Variants in MGAT4C observed in about 807,000 individuals in gnomAD.
MGAT4C encodes the protein MGAT4 family member C, also known as alpha-1,3-mannosyl-glycoprotein 4-beta-N-acetylglucosaminyltransferase C.
In MGAT4C, 19 loss-of-function variants were observed where a neutral mutation model predicts 40.1. The observed-to-expected ratio is 0.47, with a 90% CI of 0.33 to 0.70. MGAT4C has a LOEUF of 0.70. MGAT4C is among the 30% of genes least tolerant of loss of function. The pLI is 0.02. For synonymous variants in MGAT4C, 181 were observed against 187.1 expected (o/e 0.97, Z 0.27); for missense variants, 491 against 563.2 (o/e 0.87, Z 1.30).
chr12:86,791,693 G>A (rs752723897), intron 1 of MGAT4C, among the ~76,000 whole-genome samples: 2 of 152,060 alleles, frequency 1.3e-5, no homozygotes, highest in African/African-American at 2.4e-5. Flanking sequence ...GGACGGGTTT[G>A]TGACTGGAAA....
chr12:86,242,623 G>C (rs991187123), intron 1 of MGAT4C, among the ~76,000 whole-genome samples: 1 of 152,074 alleles, frequency 6.6e-6, no homozygotes, highest in East Asian at 1.9e-4. Flanking sequence ...TTGATTGTCC[G>C]GGGAAGTACT....
chr12:86,528,217 G>C (rs956821038), intron 2 of MGAT4C, among the ~76,000 whole-genome samples: 1 of 151,860 alleles, frequency 6.6e-6, no homozygotes, highest in Non-Finnish European at 1.5e-5. Flanking sequence ...ATAATCAAAA[G>C]TAAAGAAGAT....
chr12:86,092,234 C>A (rs1873013885), intron 1 of MGAT4C, among the ~76,000 whole-genome samples: 2 of 152,058 alleles, frequency 1.3e-5, no homozygotes, highest in South Asian at 2.1e-4. Flanking sequence ...AGTTGACATG[C>A]AGAAGCAATC....
chr12:86,296,179 T>C (rs1308867190), intron 4 of MGAT4C, among the ~76,000 whole-genome samples: 6 of 137,320 alleles, frequency 4.4e-5, no homozygotes, highest in Admixed American at 7.3e-5. Flanking sequence ...GACATAAAGG[T>C]TCTCCAAGGC....
intron 2 of MGAT4C, among the ~76,000 whole-genome samples, chr12:86,708,781 T>C (rs541816232): frequency 1.1e-4 from 17 of 152,332 alleles, no homozygotes; most frequent in African/African-American, 3.8e-4. Context: ...TCATGGGGCC[T>C]GAAACCTCTT....
At chr12:86,663,502 T>C (rs1189062128) in intron 2 of MGAT4C, among the ~76,000 whole-genome samples, 2 of 152,074 alleles carry the variant, frequency 1.3e-5, no homozygotes, top group South Asian at 2.1e-4. Context: ...TTTATCACAA[T>C]AGGATTTGCC....
At chr12:86,422,536 G>A (rs566040319) in intron 3 of MGAT4C, among the ~76,000 whole-genome samples, 1 of 152,210 alleles carries the variant, frequency 6.6e-6, no homozygotes, top group Non-Finnish European at 1.5e-5. Flanking sequence ...GTAAGAATGT[G>A]CTGTAGACTA....
chr12:86,602,798 A>G (rs918091490), intron 2 of MGAT4C, among the ~76,000 whole-genome samples: 1 of 152,088 alleles, frequency 6.6e-6, no homozygotes, highest in Non-Finnish European at 1.5e-5. Context: ...TAAAAACTTA[A>G]AAGTAGAATT....
chr12:86,606,923 G>T (rs1427013384), intron 2 of MGAT4C, among the ~76,000 whole-genome samples: 1 of 151,828 alleles, frequency 6.6e-6, no homozygotes, highest in Non-Finnish European at 1.5e-5. Context: ...GTATTTAGAT[G>T]GTTCAATAAT....
chr12:86,643,333 C>A (rs550014806), intron 2 of MGAT4C, among the ~76,000 whole-genome samples: 1 of 151,892 alleles, frequency 6.6e-6, no homozygotes, highest in Non-Finnish European at 1.5e-5. Context: ...GGGACACATT[C>A]AAATCATAGC....
At chr12:86,552,796 G>C (rs912485664) in intron 2 of MGAT4C, among the ~76,000 whole-genome samples, 1 of 152,104 alleles carries the variant, frequency 6.6e-6, no homozygotes, top group African/African-American at 2.4e-5. Context: ...AGTAACTCTT[G>C]TGAAGTAAAT....
intron 1 of MGAT4C, among the ~76,000 whole-genome samples, chr12:86,112,932 G>C (rs770115201): frequency 6.9e-4 from 105 of 151,788 alleles, no homozygotes; most frequent in Non-Finnish European, 1.1e-3. Context: ...TGAAATTCTA[G>C]TGAGGTAGTG....
At chr12:86,585,126 C>T (rs957203789) in intron 2 of MGAT4C, among the ~76,000 whole-genome samples, 17 of 151,266 alleles carry the variant, frequency 1.1e-4, no homozygotes, top group African/African-American at 3.9e-4. Flanking sequence ...GTAATTTGTA[C>T]TGTACCTATA....
intron 2 of MGAT4C, among the ~76,000 whole-genome samples, chr12:86,642,454 A>G (rs1963419546): frequency 6.6e-6 from 1 of 151,822 alleles, no homozygotes; most frequent in Non-Finnish European, 1.5e-5. Context: ...AGTATAACAT[A>G]ATAGAATACC....
At chr12:86,021,981 G>A (rs1889779252) in intron 2 of MGAT4C, among the ~76,000 whole-genome samples, 1 of 152,132 alleles carries the variant, frequency 6.6e-6, no homozygotes. Context: ...TTACATTGAA[G>A]TAAAATGCTC....
At chr12:86,063,548 C>T (rs957601772) in intron 1 of MGAT4C, among the ~76,000 whole-genome samples, 2 of 152,092 alleles carry the variant, frequency 1.3e-5, no homozygotes, top group African/African-American at 4.8e-5. Context: ...TGTAAATGGG[C>T]TAAATACCCC....
At chr12:86,605,304 G>A (rs971317685) in intron 2 of MGAT4C, among the ~76,000 whole-genome samples, 3 of 151,994 alleles carry the variant, frequency 2.0e-5, no homozygotes, top group Non-Finnish European at 2.9e-5. Flanking sequence ...TCAGGGATGG[G>A]AGTTTCATGC....
In MGAT4C at chr12:85,963,957, T is replaced by TATC. The variant is rs1252740273; in HGVS notation, c.*15329_*15331dup. The TATC allele has an allele frequency of 6.6e-6, 1 of 152,020 alleles. No individual in the cohort carries two copies. Among genetic ancestry groups the TATC allele is most frequent in the Non-Finnish European group, 1.5e-5 (1 of 67,928 alleles). The allele number at this position is 152,020 out of a possible 1,614,324, so 9.4% of individuals were successfully genotyped here. On this transcript the variant is annotated 3_prime_UTR_variant, in exon 5 of 5. Transcript: ENST00000611864. ...GGAAAAAATCATATTGGGTAAATAG[T>TATC]ATCACCCCAAAGTGATAGTCAAAAG... is the stretch of plus-strand genomic sequence containing the variant.
chr12:86,547,306 TC>T (rs1379153593), intron 2 of MGAT4C, among the ~76,000 whole-genome samples: 2 of 151,974 alleles, frequency 1.3e-5, no homozygotes, highest in African/African-American at 4.8e-5. Context: ...TTTTCTTTCC[TC>T]CCCCCTTCCT....
Sources: allele counts gnomAD v4.1 joint callset (sites outside exome capture counted in the v4.1 genomes callset), GRCh38; gene constraint gnomAD v4.1.1; transcripts MANE v1.5; gene names NCBI Gene and HGNC (gene_info 2026-07-23, HGNC 2026-07-21).